Variants in RGL1 observed in about 807,000 individuals in gnomAD.
The protein encoded by RGL1 is ral guanine nucleotide dissociation stimulator-like 1.
In RGL1, 24 loss-of-function variants were observed where a neutral mutation model predicts 95.2. The ratio of observed to expected loss-of-function variants is 0.25; its 90% CI spans 0.18 to 0.35. RGL1 has a LOEUF of 0.35. Ranked by LOEUF, RGL1 falls within the 10% of genes least tolerant of loss-of-function variation. The pLI is 1.00. For synonymous variants in RGL1, 329 were observed against 344.9 expected, an observed-to-expected ratio of 0.95 and a Z score of 0.51; for missense variants, 715 against 936.3, an observed-to-expected ratio of 0.76 and a Z score of 3.08.
intron 9 of RGL1, among the ~76,000 whole-genome samples, chr1:183,897,442 G>A (rs1339189798): frequency 6.6e-6 from 1 of 152,060 alleles, no homozygotes; most frequent in African/African-American, 2.4e-5. Context: ...CCAGCTACTC[G>A]GGAGGCTGAG....
chr1:183,654,662 T>C (rs1400134787), intron 1 of RGL1, among the ~76,000 whole-genome samples: 1 of 152,178 alleles, frequency 6.6e-6, no homozygotes, highest in Non-Finnish European at 1.5e-5. Flanking sequence ...TGCACCAGCA[T>C]CCCATGTGCA....
chr1:183,783,606 C>G lies in RGL1; in HGVS notation c.133-22769C>G, dbSNP rs1660011483. On this transcript the variant is annotated intron_variant, in intron 2 of 18. Coordinates refer to the RGL1 transcript ENST00000304685. Reference sequence around the variant, plus strand: ...GCCAAGTCTCTCTTTCCTGCTCCCCCTTTCTCCTTATTTCCCTTTCCCCCA... The same window carrying G: ...GCCAAGTCTCTCTTTCCTGCTCCCCGTTTCTCCTTATTTCCCTTTCCCCCA... 3.3e-5 allele frequency among the ~76,000 whole-genome samples: 5 copies of G among 152,184 alleles called. No individual in the cohort carries two copies. The South Asian group carries it at 8.3e-4, about 25-fold the overall frequency.
At chr1:183,727,094 G>T (rs1656353141) in intron 1 of RGL1, among the ~76,000 whole-genome samples, 1 of 151,908 alleles carries the variant, frequency 6.6e-6, no homozygotes, top group Non-Finnish European at 1.5e-5. Flanking sequence ...TTATGAACAT[G>T]GACCAACAAT....
chr1:183,684,659 T>C (rs554667058), intron 1 of RGL1, among the ~76,000 whole-genome samples: 56 of 152,216 alleles, frequency 3.7e-4, no homozygotes, highest in Non-Finnish European at 7.2e-4. Flanking sequence ...TGCAGCTAGC[T>C]TGGTGTCTGC....
chr1:183,721,394 A>G (rs780072844), intron 1 of RGL1, among the ~76,000 whole-genome samples: 3 of 152,028 alleles, frequency 2.0e-5, no homozygotes, highest in Non-Finnish European at 2.9e-5. Context: ...TGCTCATTTT[A>G]CCCCTGCCTA....
chr1:183,904,930 C>G lies in RGL1; in HGVS notation c.1431C>G (p.Ile477Met). 5 of 1,613,792 alleles carry G rather than the reference C, an allele frequency of 3.1e-6. No individual in the cohort carries two copies. Among genetic ancestry groups the G allele is most frequent in the Non-Finnish European group, 3.4e-6 (4 of 1,179,862 alleles). ...SYCMTPDQKF[I>M]QWFQRQQLLT... The stretch of plus-strand genomic sequence containing the variant: ...GCATGACCCCAGACCAAAAGTTCAT[C>G]CAGTGGTTCCAGAGGCAGCAGCTCC... Residue 477 changes from isoleucine (I) to methionine (M), a missense_variant, in exon 13 of 18, where the codon ATC becomes ATG. Around this residue, in one of 3 missense-constraint regions of RGL1, gnomAD observed 330 missense variants for 429.6 expected, o/e 0.77. Transcript: ENST00000360851.
rs746495896 is a variant in RGL1 at position 183,916,611 on chromosome 1, GCCT to G, written c.1918_1920del (p.Pro640del). ...TGACGTCCATTACCTCGACTGTGCT[GCCT>G]CCTGTTTACAACCAACAGAATGAAG... On this transcript the variant is annotated inframe_deletion, in exon 16 of 18. Transcript: ENST00000360851. 6.2e-7 allele frequency: 1 copy of G among 1,613,780 alleles called. No homozygotes were observed. The highest frequency in any genetic ancestry group is 8.5e-7 in the Non-Finnish European group (1 of 1,179,978).
intron 4 of RGL1, among the ~76,000 whole-genome samples, chr1:183,868,097 T>C (rs79115997): frequency 1.3e-5 from 2 of 152,328 alleles, no homozygotes; most frequent in Non-Finnish European, 2.9e-5. Context: ...ACCTTTGATC[T>C]GGGCCCTGAA....
At chr1:183,874,989 T>A (rs1385426373) in intron 4 of RGL1, among the ~76,000 whole-genome samples, 2 of 152,230 alleles carry the variant, frequency 1.3e-5, no homozygotes, top group Non-Finnish European at 2.9e-5. Flanking sequence ...CCCTCAGAGC[T>A]TGGCAGAAGT....
intron 2 of RGL1, among the ~76,000 whole-genome samples, chr1:183,842,365 T>G (rs887820526): frequency 9.2e-5 from 14 of 151,906 alleles, no homozygotes. Context: ...AACACCCAAC[T>G]GGTTAACAGT....
At chr1:183,647,536 A>G (rs1250307742) in intron 1 of RGL1, 3 of 1,292,190 alleles carry the variant, frequency 2.3e-6, no homozygotes, top group African/African-American at 1.5e-5. Context: ...AATAGTTGAT[A>G]TGGTAAATAA....
intron 1 of RGL1, among the ~76,000 whole-genome samples, chr1:183,737,249 C>G (rs1354272566): frequency 6.6e-6 from 1 of 152,136 alleles, no homozygotes; most frequent in Non-Finnish European, 1.5e-5. Context: ...TATTTTAATA[C>G]TTAACGTTTT....
chr1:183,682,335 T>C (rs894900371), intron 1 of RGL1, among the ~76,000 whole-genome samples: 2 of 152,238 alleles, frequency 1.3e-5, no homozygotes, highest in African/African-American at 4.8e-5. Context: ...TACACATTGC[T>C]TTAAATGTGT....
At chr1:183,918,468 A>G (rs6658545) in intron 16 of RGL1, among the ~76,000 whole-genome samples, 42,382 of 152,132 alleles carry the variant, frequency 0.28, 6,108 homozygotes, top group East Asian at 0.48. Flanking sequence ...TCCACTGCAT[A>G]ACTCTACAGT....
intron 2 of RGL1, among the ~76,000 whole-genome samples, chr1:183,783,323 T>A (rs1659998559): frequency 6.6e-6 from 1 of 152,226 alleles, no homozygotes; most frequent in East Asian, 1.9e-4. Context: ...CACATACATA[T>A]ATATAATGAT....
Position 183,914,153 on chromosome 1 carries a change from A to T in RGL1, c.1749+1885A>T, listed in dbSNP as rs144021863. 3.3e-3 allele frequency among the ~76,000 whole-genome samples: 495 copies of T among 152,236 alleles called. 2 individuals carry two copies. The highest frequency in any genetic ancestry group is 6.5e-3 in the African/African-American group (271 of 41,530). On this transcript the variant is annotated intron_variant, in intron 15 of 17. Transcript: ENST00000360851. ...GAGGTATTGCCCACATTATTGTGGG[A>T]TTTCTCCCTGTCTCTCCAGGAAGGA...
At chr1:183,895,174 A>G (rs1255216972) in intron 9 of RGL1, among the ~76,000 whole-genome samples, 2 of 152,202 alleles carry the variant, frequency 1.3e-5, no homozygotes, top group African/African-American at 2.4e-5. Context: ...GTCTGTTACA[A>G]CTGTGACAGT....
At chr1:183,755,778 G>T (rs922196108) in intron 2 of RGL1, among the ~76,000 whole-genome samples, 1 of 152,094 alleles carries the variant, frequency 6.6e-6, no homozygotes, top group Non-Finnish European at 1.5e-5. Flanking sequence ...GTGTCCACAG[G>T]TATTTCGAGA....
At position 183,927,134 on chromosome 1, in the gene RGL1, GTAAT is replaced by G. The variant is rs1261668984; in HGVS notation, c.*843_*846del. ...ATTGCACAAATAACCATGTTCTTTGGTAATGAAGCCAGAAAAGAAAGCGCAAAAG... is the reference window on the plus strand; with the variant it reads ...ATTGCACAAATAACCATGTTCTTTGGGAAGCCAGAAAAGAAAGCGCAAAAG... On this transcript the variant is annotated 3_prime_UTR_variant, in exon 18 of 18. Transcript: ENST00000360851. 6.6e-6 allele frequency: 1 copy of G among 152,564 alleles called. No individual in the cohort carries two copies. The highest frequency in any genetic ancestry group is 1.5e-5 in the Non-Finnish European group (1 of 68,028). The allele number at this position is 152,564 out of a possible 1,614,324, so 9.5% of individuals were successfully genotyped here.
Sources: allele counts gnomAD v4.1 joint callset (sites outside exome capture counted in the v4.1 genomes callset), GRCh38; gene constraint gnomAD v4.1.1; regional missense constraint gnomAD v4.1.1; transcripts MANE v1.5; gene names NCBI Gene and HGNC (gene_info 2026-07-23, HGNC 2026-07-21).